LUZP2: variants seen among roughly 807,000 people sequenced by gnomAD.
The protein encoded by LUZP2 is leucine zipper protein 2.
A neutral mutation model predicts 51.6 loss-of-function variants in LUZP2; 52 were observed. The ratio of observed to expected loss-of-function variants is 1.01; its 90% CI spans 0.81 to 1.27. LUZP2 has a LOEUF of 1.27. LUZP2 is among the 50% of genes most tolerant of loss of function. LUZP2 has a pLI of 0.00. For missense variants in LUZP2, 436 were observed against 395.4 expected (o/e 1.10, Z -0.87); for synonymous variants, 154 against 137.3 (o/e 1.12, Z -0.85).
At chr11:24,576,902 A>G (rs1321575169) in intron 1 of LUZP2, among the ~76,000 whole-genome samples, 1 of 152,110 alleles carries the variant, frequency 6.6e-6, no homozygotes, top group Admixed American at 6.6e-5. Context: ...ATGGCTACTT[A>G]TAAATATAAT....
At chr11:24,965,708 G>C (rs1416716277) in intron 7 of LUZP2, among the ~76,000 whole-genome samples, 1 of 151,694 alleles carries the variant, frequency 6.6e-6, no homozygotes, top group African/African-American at 2.4e-5. Context: ...TTTAGGAAGA[G>C]AGTTTAAAGA....
intron 1 of LUZP2, among the ~76,000 whole-genome samples, chr11:24,668,296 G>A (rs1010950395): frequency 2.6e-5 from 4 of 152,236 alleles, no homozygotes; most frequent in East Asian, 1.9e-4. Context: ...GAGTTTCATC[G>A]AAGATTCCAG....
chr11:24,895,648 C>G (rs754224656), intron 5 of LUZP2, among the ~76,000 whole-genome samples: 7 of 152,166 alleles, frequency 4.6e-5, no homozygotes, highest in African/African-American at 7.2e-5. Flanking sequence ...TTTAGGATAA[C>G]AATATCCAGT....
chr11:24,666,567 A>C (rs1043944990), intron 1 of LUZP2, among the ~76,000 whole-genome samples: 3 of 152,110 alleles, frequency 2.0e-5, no homozygotes, highest in Non-Finnish European at 4.4e-5. Context: ...AGATGAATGC[A>C]GGAGCTATTC....
At chr11:24,581,425 C>T (rs181961020) in intron 1 of LUZP2, among the ~76,000 whole-genome samples, 1,547 of 152,072 alleles carry the variant, frequency 0.01, 11 homozygotes, top group Non-Finnish European at 0.015. Flanking sequence ...AATCCCAGCA[C>T]CTTGGGAGGC....
intron 1 of LUZP2, among the ~76,000 whole-genome samples, chr11:24,527,550 A>ATC (rs144689201): frequency 0.39 from 54,420 of 139,444 alleles, 11,667 homozygotes; most frequent in East Asian, 0.58. Context: ...TTAAATAAGA[A>ATC]TCTCTCTCTC....
chr11:24,814,985 C>A (rs1850133222), intron 5 of LUZP2, among the ~76,000 whole-genome samples: 1 of 95,530 alleles, frequency 1.0e-5, no homozygotes, highest in Admixed American at 1.2e-4. Context: ...GAGTGAGACT[C>A]CGTCTCAAAA....
At chr11:24,770,135 A>G (rs1860354288) in intron 5 of LUZP2, among the ~76,000 whole-genome samples, 1 of 152,180 alleles carries the variant, frequency 6.6e-6, no homozygotes, top group African/African-American at 2.4e-5. Context: ...TCACTTTCAA[A>G]ACACCCTTTC....
intron 7 of LUZP2, among the ~76,000 whole-genome samples, chr11:24,921,765 T>C (rs1854066527): frequency 6.6e-6 from 1 of 152,162 alleles, no homozygotes; most frequent in African/African-American, 2.4e-5. Context: ...TCATTTTAAA[T>C]ATGAGATTTG....
At chr11:24,624,515 C>T (rs1379187589) in intron 1 of LUZP2, among the ~76,000 whole-genome samples, 2 of 152,184 alleles carry the variant, frequency 1.3e-5, no homozygotes, top group East Asian at 3.9e-4. Flanking sequence ...TATATAAGAA[C>T]TGAGCTTTCC....
At chr11:24,778,029 T>A (rs1848988016) in intron 5 of LUZP2, among the ~76,000 whole-genome samples, 2 of 152,142 alleles carry the variant, frequency 1.3e-5, no homozygotes, top group African/African-American at 4.8e-5. Context: ...TATATTTCTA[T>A]AAGTATCATA....
chr11:24,958,880 GT>G (rs1263415995), intron 7 of LUZP2, among the ~76,000 whole-genome samples: 8 of 152,132 alleles, frequency 5.3e-5, no homozygotes, highest in Non-Finnish European at 1.2e-4. Context: ...GGTTTTTATG[GT>G]TTTAGGTCTA....
intron 1 of LUZP2, among the ~76,000 whole-genome samples, chr11:24,679,169 C>T (rs1375526826): frequency 6.6e-6 from 1 of 152,132 alleles, no homozygotes; most frequent in Non-Finnish European, 1.5e-5. Context: ...TACAGTGAGC[C>T]TCATCAGTGT....
At chr11:24,855,776 T>C (rs550526495) in intron 5 of LUZP2, among the ~76,000 whole-genome samples, 5 of 151,926 alleles carry the variant, frequency 3.3e-5, no homozygotes, top group Non-Finnish European at 4.4e-5. Flanking sequence ...GATAGAACAA[T>C]GGAGAAGAGA....
intron 1 of LUZP2, among the ~76,000 whole-genome samples, chr11:24,583,259 G>T (rs184743914): frequency 3.4e-4 from 52 of 151,916 alleles, no homozygotes; most frequent in Non-Finnish European, 4.1e-4. Flanking sequence ...ACTTATTTTA[G>T]TGTTCAAACA....
chr11:24,548,579 T>G (rs894353699), intron 1 of LUZP2, among the ~76,000 whole-genome samples: 3 of 151,954 alleles, frequency 2.0e-5, no homozygotes, highest in Admixed American at 6.6e-5. Context: ...ACGATGAGAA[T>G]TGAAAAACTA....
chr11:24,798,607 C>T (rs1330741085), intron 5 of LUZP2, among the ~76,000 whole-genome samples: 1 of 152,144 alleles, frequency 6.6e-6, no homozygotes, highest in African/African-American at 2.4e-5. Flanking sequence ...ACACAAGGGA[C>T]ATTTAGTCTA....
chr11:24,818,205 G>A (rs11028191), intron 5 of LUZP2, among the ~76,000 whole-genome samples: 35,565 of 151,956 alleles, frequency 0.23, 5,233 homozygotes, highest in East Asian at 0.5. Context: ...TGGATGATCC[G>A]TCTTTTAGGT....
intron 1 of LUZP2, among the ~76,000 whole-genome samples, chr11:24,516,341 A>C (rs917722082): frequency 6.6e-6 from 1 of 152,184 alleles, no homozygotes; most frequent in African/African-American, 2.4e-5. Context: ...TAATTGAAAT[A>C]ATCAGAATCC....
Sources: gnomAD v4.1 joint callset for allele counts (sites outside exome capture counted in the v4.1 genomes callset) on GRCh38, gnomAD v4.1.1 for gene constraint, MANE v1.5 for transcripts, NCBI Gene and HGNC (gene_info 2026-07-23, HGNC 2026-07-21) for gene names.